SP140: variants seen among roughly 807,000 people sequenced by gnomAD.
SP140 encodes SP140 nuclear body protein.
In SP140, 81 loss-of-function variants were observed where a neutral mutation model predicts 125.0. The ratio of observed to expected loss-of-function variants is 0.65; its 90% CI spans 0.54 to 0.78. The LOEUF (loss-of-function observed/expected upper bound fraction) is 0.78, where lower values mean the gene tolerates loss of function less well. SP140 is among the 30% of genes least tolerant of loss of function. The pLI, the probability that SP140 is intolerant of heterozygous loss-of-function variation, is 0.00. For missense variants in SP140, 858 were observed against 1,037.0 expected (o/e 0.83, Z 2.37); for synonymous variants, 312 against 354.0 (o/e 0.88, Z 1.33).
the SP140 span, among the ~76,000 whole-genome samples, chr2:230,191,151 GA>G: frequency 1.3e-5 from 2 of 152,136 alleles, no homozygotes; most frequent in Admixed American, 6.5e-5. Context: ...GTGTTAAGAG[GA>G]AAACTTGTAG....
chr2:230,288,588 A>G (rs1402021753), intron 18 of SP140, among the ~76,000 whole-genome samples: 1 of 151,162 alleles, frequency 6.6e-6, no homozygotes, highest in Non-Finnish European at 1.5e-5. Context: ...CATCATCTAC[A>G]TTAGGTATTT....
chr2:230,260,764 T>G (rs905867361), intron 12 of SP140, among the ~76,000 whole-genome samples: 1 of 152,202 alleles, frequency 6.6e-6, no homozygotes, highest in African/African-American at 2.4e-5. Context: ...GTATTTGGGT[T>G]TACTTCTGGG....
At chr2:230,274,484 C>T (rs2054415700) in intron 15 of SP140, among the ~76,000 whole-genome samples, 1 of 152,136 alleles carries the variant, frequency 6.6e-6, no homozygotes, top group South Asian at 2.1e-4. Flanking sequence ...AGAATGTGGG[C>T]AGCCTTCCGA....
chr2:230,267,923 C>T (rs1355400054), intron 12 of SP140, among the ~76,000 whole-genome samples: 19 of 152,170 alleles, frequency 1.2e-4, no homozygotes. Context: ...TGTGACCGAA[C>T]ATCTTTGCAC....
chr2:230,281,635 A>C (rs1273702468), intron 15 of SP140, among the ~76,000 whole-genome samples: 3 of 152,172 alleles, frequency 2.0e-5, no homozygotes, highest in Non-Finnish European at 4.4e-5. Flanking sequence ...GCTTTTAAAA[A>C]ACTTTATATA....
upstream of SP140, among the ~76,000 whole-genome samples, chr2:230,198,596 AT>A (rs34926695): frequency 5.3e-5 from 8 of 151,314 alleles, no homozygotes; most frequent in African/African-American, 1.7e-4. Flanking sequence ...AAATGATAGA[AT>A]TTTTTTTTCT....
Position 230,237,843 on chromosome 2 carries a change from T to A in SP140, c.238-370T>A, listed in dbSNP as rs2048203768. 6.6e-6 allele frequency among the ~76,000 whole-genome samples: 1 copy of A among 152,168 alleles called. No individual in the cohort carries two copies. Among genetic ancestry groups the A allele is most frequent in the African/African-American group, 2.4e-5 (1 of 41,432 alleles). On this transcript the variant is annotated intron_variant, in intron 2 of 26. Coordinates refer to ENST00000392045, the MANE Select transcript of SP140 (RefSeq NM_007237.5). This position sits in a 1 kb window ranked among gnomAD's most constrained non-coding sequence, Gnocchi z 5.4. Reference sequence around the variant, plus strand: ...GGCCAGGAGTCATAGTGGGGGCTGGTTGATTGGTTTCCTGGAGCTCGTCAG... The same window carrying A: ...GGCCAGGAGTCATAGTGGGGGCTGGATGATTGGTTTCCTGGAGCTCGTCAG...
At chr2:230,279,305 G>A (rs185746892) in intron 15 of SP140, among the ~76,000 whole-genome samples, 31 of 151,924 alleles carry the variant, frequency 2.0e-4, no homozygotes, top group African/African-American at 3.1e-4. Flanking sequence ...ACAGAAATAG[G>A]TAAAAGGAAT....
rs2044420613 is a variant in SP140 at position 230,211,115 on chromosome 2, G to A, written c.-322-2539G>A. On this transcript the variant is annotated intron_variant, in intron 1 of 4. Transcript: ENST00000456542. This position sits in a 1 kb window ranked among gnomAD's most constrained non-coding sequence, Gnocchi z 4.2. ...TGACTCAGTTCCCTTGCTTTCCCCT[G>A]GGGTTCCTGCCACAACCCTTTGTGG... 6.6e-6 allele frequency among the ~76,000 whole-genome samples: 1 copy of A among 152,172 alleles called. No homozygotes were observed. Among genetic ancestry groups the A allele is most frequent in the African/African-American group, 2.4e-5 (1 of 41,448 alleles).
intron 1 of SP140, among the ~76,000 whole-genome samples, chr2:230,233,291 C>T (rs2047514120): frequency 6.6e-6 from 1 of 152,024 alleles, no homozygotes. Context: ...AGTTACTTAA[C>T]TCAATTTTTT....
chr2:230,206,356 ATAGTCAACC>A (rs1352016199), intron 1 of SP140, among the ~76,000 whole-genome samples: 1 of 151,732 alleles, frequency 6.6e-6, no homozygotes, highest in Non-Finnish European at 1.5e-5. Context: ...GTCTCTCAGT[ATAGTCAACC>A]ATTCCCTCTT....
intron 21 of SP140, among the ~76,000 whole-genome samples, chr2:230,295,720 G>C (rs542283214): frequency 1.3e-5 from 2 of 152,318 alleles, no homozygotes; most frequent in South Asian, 4.1e-4. Flanking sequence ...AGTGCCACAT[G>C]ATAGCATCTC....
At chr2:230,275,577 T>C (rs2054596551) in intron 15 of SP140, among the ~76,000 whole-genome samples, 1 of 152,164 alleles carries the variant, frequency 6.6e-6, no homozygotes, top group African/African-American at 2.4e-5. Flanking sequence ...TCTCTCCCTC[T>C]CTTTGACTTT....
At chr2:230,215,600 A>C (rs1453461951) in intron 3 of SP140, among the ~76,000 whole-genome samples, 2 of 152,220 alleles carry the variant, frequency 1.3e-5, no homozygotes, top group Non-Finnish European at 1.5e-5. Context: ...GCCACAGAGA[A>C]GTCACCCTGA....
At chr2:230,199,560 A>G (rs2043039029), upstream of SP140, among the ~76,000 whole-genome samples, 1 of 152,004 alleles carries the variant, frequency 6.6e-6, no homozygotes, top group African/African-American at 2.4e-5. Flanking sequence ...AAGTCCAGGA[A>G]CTTTTCTATG....
At chr2:230,213,498 G>A (rs1213443307) in intron 1 of SP140, among the ~76,000 whole-genome samples, 2 of 152,178 alleles carry the variant, frequency 1.3e-5, no homozygotes, top group East Asian at 1.9e-4. Flanking sequence ...TTTCTGCAGA[G>A]TCAGCTTCTG....
the SP140 span, among the ~76,000 whole-genome samples, chr2:230,195,571 C>T: frequency 0.016 from 2,419 of 152,168 alleles, 31 homozygotes; most frequent in Non-Finnish European, 0.022. Context: ...CTCAAGTGAA[C>T]CTCCTGCCTC....
chr2:230,231,989 G>C (rs956706721), intron 1 of SP140, among the ~76,000 whole-genome samples: 1 of 152,062 alleles, frequency 6.6e-6, no homozygotes, highest in East Asian at 1.9e-4. Context: ...GATTACAGGT[G>C]TGAGCCACCG....
At chr2:230,287,837 A>G (rs989477507) in intron 17 of SP140, 55 bp from the exon 18 acceptor site, 1 of 1,443,036 alleles carries the variant, frequency 6.9e-7, no homozygotes, top group Non-Finnish European at 9.4e-7. Flanking sequence ...AAGCTGTAAT[A>G]TGTGTAATAC....
Sources: allele counts gnomAD v4.1 joint callset (sites outside exome capture counted in the v4.1 genomes callset), GRCh38; gene constraint gnomAD v4.1.1; non-coding constraint Gnocchi (gnomAD v3.1); transcripts MANE v1.5; gene names NCBI Gene and HGNC (gene_info 2026-07-23, HGNC 2026-07-21).